SLC35F3: variants seen among roughly 807,000 people sequenced by gnomAD.
SLC35F3 encodes the protein putative thiamine transporter SLC35F3.
In SLC35F3, 25 loss-of-function variants were observed where a neutral mutation model predicts 49.9. The ratio of observed to expected loss-of-function variants is 0.50; its 90% CI spans 0.37 to 0.70. SLC35F3 has a LOEUF of 0.70. Ranked by LOEUF, SLC35F3 falls within the 30% of genes least tolerant of loss-of-function variation. The pLI is 0.00. For missense variants in SLC35F3, 525 were observed against 639.8 expected (o/e 0.82, Z 1.94); for synonymous variants, 275 against 265.4 (o/e 1.04, Z -0.35).
chr1:234,257,259 T>G (rs1667834296), intron 3 of SLC35F3, among the ~76,000 whole-genome samples: 1 of 152,210 alleles, frequency 6.6e-6, no homozygotes, highest in Non-Finnish European at 1.5e-5. Context: ...ATTTTTCCAG[T>G]CTCCTCTAAA....
chr1:234,019,858 G>A (rs532533434), intron 2 of SLC35F3, among the ~76,000 whole-genome samples: 98 of 152,146 alleles, frequency 6.4e-4, no homozygotes, highest in Non-Finnish European at 9.1e-4. Flanking sequence ...TAGCGTGTAA[G>A]GTCCCTTGCT....
intron 2 of SLC35F3, among the ~76,000 whole-genome samples, chr1:234,077,098 G>A (rs944089758): frequency 4.7e-5 from 7 of 149,578 alleles, no homozygotes; most frequent in East Asian, 4.0e-4. Context: ...TCCGCTTCCC[G>A]GGTTCACGCC....
chr1:233,908,413 T>G (rs1222614005), intron 2 of SLC35F3, among the ~76,000 whole-genome samples: 1 of 152,152 alleles, frequency 6.6e-6, no homozygotes, highest in Admixed American at 6.5e-5. Flanking sequence ...TAGATTTTGT[T>G]TGGGTTGTTA....
chr1:233,961,805 C>T (rs887665129), intron 2 of SLC35F3, among the ~76,000 whole-genome samples: 3 of 152,198 alleles, frequency 2.0e-5, no homozygotes, highest in Admixed American at 2.0e-4. Flanking sequence ...TCGTAGCTCT[C>T]TAGCTCATTA....
chr1:234,265,363 G>A (rs576812593), intron 3 of SLC35F3, among the ~76,000 whole-genome samples: 45 of 150,258 alleles, frequency 3.0e-4, no homozygotes, highest in African/African-American at 1.1e-3. Flanking sequence ...TGGTAGAGAT[G>A]GGGTCTTGCT....
chr1:234,242,227 C>A (rs936278069), intron 3 of SLC35F3, among the ~76,000 whole-genome samples: 1 of 152,254 alleles, frequency 6.6e-6, no homozygotes, highest in African/African-American at 2.4e-5. Context: ...GTGTCTACTT[C>A]AAGCATGAAC....
rs117575852 is a variant in SLC35F3 at position 233,995,412 on chromosome 1, A to T, written c.283+89654A>T. 2.2e-4 allele frequency among the ~76,000 whole-genome samples: 33 copies of T among 152,232 alleles called. 1 individual carries two copies. In the East Asian group the frequency reaches 6.4e-3, roughly 29 times the overall value. ...GGTGGGAGCCCCTGGCCAGATGGAT[A>T]AACCTGAGCCTGGCTGGCGTTTCTG... On this transcript the variant is annotated intron_variant, in intron 2 of 7. Transcript: ENST00000366618.
intron 2 of SLC35F3, among the ~76,000 whole-genome samples, chr1:234,088,104 A>G (rs1269350196): frequency 4.6e-5 from 7 of 152,162 alleles, no homozygotes; most frequent in Non-Finnish European, 8.8e-5. Context: ...TGTACGTTGT[A>G]TTTCCAGCAC....
chr1:234,319,706 TCAAAA>T (rs59381769), intron 6 of SLC35F3, among the ~76,000 whole-genome samples: 201 of 151,534 alleles, frequency 1.3e-3, no homozygotes, highest in South Asian at 5.2e-3. Flanking sequence ...AGACTGTGCC[TCAAAA>T]CAAAACAAAA....
At chr1:234,217,122 G>GGCAGACAGGCTACAGGGAGGGAAT (rs1436927736) in intron 2 of SLC35F3, among the ~76,000 whole-genome samples, 1 of 152,198 alleles carries the variant, frequency 6.6e-6, no homozygotes, top group Admixed American at 6.5e-5. Context: ...CTGTATGGAT[G>GGCAGACAGGCTACAGGGAGGGAAT]GCAGACAGGC....
intron 3 of SLC35F3, among the ~76,000 whole-genome samples, chr1:234,296,743 G>T (rs543368229): frequency 6.6e-6 from 1 of 152,268 alleles, no homozygotes; most frequent in Non-Finnish European, 1.5e-5. Context: ...TAACCAGCTG[G>T]TCCCCAAAGA....
chr1:234,023,378 C>G (rs1240093737), intron 2 of SLC35F3, among the ~76,000 whole-genome samples: 1 of 152,124 alleles, frequency 6.6e-6, no homozygotes, highest in Non-Finnish European at 1.5e-5. Flanking sequence ...CAGGAGCCAA[C>G]TGAAAGGGCT....
chr1:234,322,927 G>T, intron 7 of SLC35F3, 81 bp from the exon 8 acceptor site: 1 of 1,132,760 alleles, frequency 8.8e-7, no homozygotes, highest in South Asian at 1.3e-5. Context: ...ACAGAGGAGG[G>T]TGCCCCCAGG....
chr1:233,937,335 G>C (rs986467593), intron 2 of SLC35F3, among the ~76,000 whole-genome samples: 2 of 152,246 alleles, frequency 1.3e-5, no homozygotes, highest in African/African-American at 2.4e-5. Flanking sequence ...TTAAATGGAT[G>C]AAGAGTATTT....
chr1:234,248,623 TAAAG>T (rs1345576547), intron 3 of SLC35F3, among the ~76,000 whole-genome samples: 1 of 152,162 alleles, frequency 6.6e-6, no homozygotes, highest in African/African-American at 2.4e-5. Flanking sequence ...AAACATCACA[TAAAG>T]AAATGCCATA....
At chr1:234,253,766 C>T (rs1244333255) in intron 3 of SLC35F3, among the ~76,000 whole-genome samples, 1 of 152,138 alleles carries the variant, frequency 6.6e-6, no homozygotes, top group Non-Finnish European at 1.5e-5. Flanking sequence ...ATACCCAAGG[C>T]TGAATGCCAA....
intron 2 of SLC35F3, among the ~76,000 whole-genome samples, chr1:234,010,037 A>C (rs1663691743): frequency 6.6e-6 from 1 of 152,228 alleles, no homozygotes; most frequent in African/African-American, 2.4e-5. Context: ...CAAAAATATA[A>C]AACTTGATGG....
At chr1:234,177,085 G>A (rs1293315813) in intron 2 of SLC35F3, among the ~76,000 whole-genome samples, 3 of 152,162 alleles carry the variant, frequency 2.0e-5, no homozygotes, top group East Asian at 1.9e-4. Context: ...CATGCAGGTA[G>A]GTCTTTCCTG....
At chr1:234,149,485 C>T (rs763140135) in intron 2 of SLC35F3, among the ~76,000 whole-genome samples, 45 of 152,132 alleles carry the variant, frequency 3.0e-4, no homozygotes, top group Non-Finnish European at 4.6e-4. Flanking sequence ...GTAACTATGA[C>T]ATTTACATGA....
Sources: gnomAD v4.1 joint callset for allele counts (sites outside exome capture counted in the v4.1 genomes callset) on GRCh38, gnomAD v4.1.1 for gene constraint, MANE v1.5 for transcripts, NCBI Gene and HGNC (gene_info 2026-07-23, HGNC 2026-07-21) for gene names.